Variants in KCND2 observed in about 807,000 individuals in gnomAD.
KCND2 encodes A-type voltage-gated potassium channel KCND2.
In KCND2, 16 loss-of-function variants were observed where a neutral mutation model predicts 54.4. The observed-to-expected ratio is 0.29, with a 90% confidence interval of 0.20 to 0.45. The LOEUF is 0.45. KCND2 is among the 20% of genes least tolerant of loss of function. KCND2 has a pLI of 1.00. For synonymous variants in KCND2, 317 were observed against 310.7 expected, an observed-to-expected ratio of 1.02 and a Z score of -0.21; for missense variants, 486 against 824.2, an observed-to-expected ratio of 0.59 and a Z score of 5.02.
chr7:120,375,640 G>A (rs189675718), intron 1 of KCND2, among the ~76,000 whole-genome samples: 1 of 151,834 alleles, frequency 6.6e-6, no homozygotes. Context: ...TACACGAATT[G>A]TCATCATAAT....
intron 1 of KCND2, among the ~76,000 whole-genome samples, chr7:120,649,068 C>T (rs1791684504): frequency 6.6e-6 from 1 of 152,160 alleles, no homozygotes; most frequent in East Asian, 1.9e-4. Flanking sequence ...CTTAAAGATA[C>T]ACTAATCCTA....
chr7:120,395,623 A>G (rs1365908949), intron 1 of KCND2, among the ~76,000 whole-genome samples: 1 of 151,990 alleles, frequency 6.6e-6, no homozygotes, highest in Non-Finnish European at 1.5e-5. Context: ...TGGCACGTGT[A>G]TTTATACCCA....
intron 1 of KCND2, among the ~76,000 whole-genome samples, chr7:120,489,719 G>A (rs1209807913): frequency 2.0e-5 from 3 of 152,136 alleles, no homozygotes; most frequent in Admixed American, 1.3e-4. Flanking sequence ...ATTTCATTCA[G>A]TTAAAGAAAA....
At chr7:120,580,676 A>G (rs1237778776) in intron 1 of KCND2, among the ~76,000 whole-genome samples, 1 of 152,170 alleles carries the variant, frequency 6.6e-6, no homozygotes, top group Non-Finnish European at 1.5e-5. Context: ...ATATGGTTTT[A>G]TTTTATCTTG....
chr7:120,279,503 A>G (rs904414607), intron 1 of KCND2, among the ~76,000 whole-genome samples: 2 of 152,002 alleles, frequency 1.3e-5, no homozygotes, highest in Non-Finnish European at 2.9e-5. Context: ...GTTTATGTTT[A>G]GAGATAAATT....
intron 1 of KCND2, among the ~76,000 whole-genome samples, chr7:120,280,379 G>A (rs1799243035): frequency 6.6e-6 from 1 of 151,930 alleles, no homozygotes; most frequent in African/African-American, 2.4e-5. Context: ...GCATTTACTT[G>A]GTTGCCAGAC....
chr7:120,314,727 T>C (rs1449798575), intron 1 of KCND2, among the ~76,000 whole-genome samples: 4 of 152,190 alleles, frequency 2.6e-5, no homozygotes, highest in Admixed American at 6.5e-5. Context: ...TGCAAAGCAG[T>C]GAATAATGGT....
rs111566147 is a variant in KCND2 at position 120,339,053 on chromosome 7, A to ATT, written c.1115+63319_1115+63320dup. On this transcript the variant is annotated intron_variant, in intron 1 of 5. Transcript: ENST00000331113. ...CTGCCACCACACCTGGCTAATTATT[A>ATT]TTTTTTTTTTTTTTGTATTTTTAGT... Among the ~76,000 whole-genome samples the ATT allele has an allele frequency of 9.5e-3, 1,341 of 141,180 alleles. 21 individuals are homozygous for ATT. Among genetic ancestry groups the ATT allele is most frequent in the Admixed American group, 0.033 (460 of 14,104 alleles). 92.6% of individuals were successfully genotyped at this position (141,180 alleles called of 152,430 possible). A position where few individuals can be genotyped will look rare whatever the true frequency, so the allele number is the denominator to read the frequency against.
At chr7:120,288,994 A>T (rs1339915927) in intron 1 of KCND2, among the ~76,000 whole-genome samples, 1 of 151,596 alleles carries the variant, frequency 6.6e-6, no homozygotes, top group Admixed American at 6.6e-5. Context: ...CAGAGTATAT[A>T]TGGGGGGAGA....
At chr7:120,622,900 A>T (rs1225532174) in intron 1 of KCND2, among the ~76,000 whole-genome samples, 8 of 152,160 alleles carry the variant, frequency 5.3e-5, no homozygotes, top group African/African-American at 1.9e-4. Context: ...TAGTGACTTC[A>T]ATCCATTTCG....
chr7:120,603,811 G>A (rs1290149857), intron 1 of KCND2, among the ~76,000 whole-genome samples: 1 of 152,140 alleles, frequency 6.6e-6, no homozygotes, highest in Non-Finnish European at 1.5e-5. Flanking sequence ...GGCAAAAATG[G>A]CATTGAAAAT....
Position 120,678,329 on chromosome 7 carries a change from G to A in KCND2, c.1116-54574G>A, listed in dbSNP as rs191998617. Reference sequence around the variant, plus strand: ...TATTAATCCATGGAGCTCTTCTACCGTAGGTATGATTATTTATATATATAT... The same window carrying A: ...TATTAATCCATGGAGCTCTTCTACCATAGGTATGATTATTTATATATATAT... On this transcript the variant is annotated intron_variant, in intron 1 of 5. Coordinates refer to ENST00000331113, the MANE Select transcript of KCND2 (RefSeq NM_012281.3). 2.6e-3 allele frequency among the ~76,000 whole-genome samples: 350 copies of A among 136,020 alleles called. 1 individual carries two copies. Among genetic ancestry groups the A allele is most frequent in the African/African-American group, 8.9e-3 (311 of 35,062 alleles). The allele number at this position is 136,020 out of a possible 152,430, so 89.2% of individuals were successfully genotyped here.
chr7:120,325,732 A>G (rs1193575259), intron 1 of KCND2, among the ~76,000 whole-genome samples: 12 of 152,094 alleles, frequency 7.9e-5, no homozygotes, highest in Non-Finnish European at 1.8e-4. Flanking sequence ...TGGAAGAAAA[A>G]CTGATAATAT....
intron 1 of KCND2, among the ~76,000 whole-genome samples, chr7:120,325,139 C>A (rs1281338723): frequency 2.1e-5 from 3 of 145,978 alleles, no homozygotes; most frequent in Non-Finnish European, 3.0e-5. Context: ...GTGATTTTTG[C>A]ACATTGATTT....
At chr7:120,276,216 A>G (rs915075517) in intron 1 of KCND2, among the ~76,000 whole-genome samples, 1 of 152,148 alleles carries the variant, frequency 6.6e-6, no homozygotes, top group East Asian at 1.9e-4. Context: ...TCCTCTAAGA[A>G]CCATAATTCC....
chr7:120,661,582 G>A (rs1481732029), intron 1 of KCND2, among the ~76,000 whole-genome samples: 9 of 151,872 alleles, frequency 5.9e-5, no homozygotes, highest in Non-Finnish European at 8.8e-5. Flanking sequence ...CCTGAGAGGC[G>A]GAGGCTGCAG....
intron 1 of KCND2, among the ~76,000 whole-genome samples, chr7:120,589,626 T>C (rs73441812): frequency 0.02 from 3,060 of 152,328 alleles, 120 homozygotes; most frequent in African/African-American, 0.07. Context: ...TATTTTAATA[T>C]ACCAAATTTG....
intron 1 of KCND2, among the ~76,000 whole-genome samples, chr7:120,605,542 T>C (rs1398782341): frequency 6.6e-6 from 1 of 152,208 alleles, no homozygotes; most frequent in African/African-American, 2.4e-5. Flanking sequence ...GTATAAGATT[T>C]TATGTGAATA....
chr7:120,525,527 C>A (rs1262778008), intron 1 of KCND2, among the ~76,000 whole-genome samples: 1 of 152,118 alleles, frequency 6.6e-6, no homozygotes, highest in East Asian at 1.9e-4. Context: ...GCTTACAATT[C>A]TGAGGGCACA....
Sources: allele counts gnomAD v4.1 joint callset (sites outside exome capture counted in the v4.1 genomes callset), GRCh38; gene constraint gnomAD v4.1.1; transcripts MANE v1.5; gene names NCBI Gene and HGNC (gene_info 2026-07-23, HGNC 2026-07-21).